The following PDE4D variants were observed in gnomAD, a reference collection of about 807,000 sequenced individuals.
PDE4D encodes the protein phosphodiesterase 4D, also known as 3',5'-cyclic-AMP phosphodiesterase 4D.
Under a neutral mutation model 87.4 loss-of-function variants are expected in PDE4D, and 24 were observed. The observed-to-expected ratio is 0.27, with a 90% CI of 0.20 to 0.39. The LOEUF (loss-of-function observed/expected upper bound fraction) is 0.39. PDE4D is among the 10% of genes least tolerant of loss of function. The pLI, the probability that PDE4D is intolerant of heterozygous loss-of-function variation, is 1.00. For synonymous variants in PDE4D, 384 were observed against 383.2 expected (o/e 1.00, Z -0.02); for missense variants, 714 against 1,041.0 (o/e 0.69, Z 4.32).
chr5:59,749,560 T>C (rs1760125162), intron 1 of PDE4D, among the ~76,000 whole-genome samples: 1 of 152,142 alleles, frequency 6.6e-6, no homozygotes, highest in Non-Finnish European at 1.5e-5. Flanking sequence ...CACTTATTTC[T>C]CCTGAAACAG....
intron 1 of PDE4D, among the ~76,000 whole-genome samples, chr5:59,853,908 T>C (rs1164444738): frequency 1.3e-5 from 2 of 152,154 alleles, no homozygotes; most frequent in East Asian, 3.9e-4. Flanking sequence ...TAGTATTCTA[T>C]CATATGGACA....
At chr5:59,915,098 C>A (rs1046054452) in intron 3 of PDE4D, among the ~76,000 whole-genome samples, 1 of 151,964 alleles carries the variant, frequency 6.6e-6, no homozygotes, top group Non-Finnish European at 1.5e-5. Context: ...AAGTGGAGTA[C>A]AAAAACATAG....
rs188458183 is a variant in PDE4D, at chr5:59,333,708, T to C, written c.456-117740A>G. On this transcript the variant is annotated intron_variant, in intron 1 of 14. Transcript: ENST00000340635. ...TCATTTTTTATGGAGAGATTTTGAT[T>C]CCATCCTAAAGAGTTCTAATTAAAG... Among the ~76,000 whole-genome samples, 173 of 152,312 alleles carry C rather than the reference T, an allele frequency of 1.1e-3. 1 individual carries two copies. Among genetic ancestry groups the C allele is most frequent in the Admixed American group, 1.9e-3 (29 of 15,306 alleles).
At chr5:59,469,617 G>A (rs150377677) in intron 1 of PDE4D, among the ~76,000 whole-genome samples, 11 of 152,182 alleles carry the variant, frequency 7.2e-5, no homozygotes, top group Non-Finnish European at 1.3e-4. Flanking sequence ...CATACCCAGC[G>A]AAGAAATCTG....
chr5:59,698,080 A>C (rs1752043611), intron 1 of PDE4D, among the ~76,000 whole-genome samples: 1 of 152,188 alleles, frequency 6.6e-6, no homozygotes, highest in East Asian at 1.9e-4. Flanking sequence ...TTACAAAAAT[A>C]TTACAAAAAC....
At chr5:59,083,575 A>C (rs1444320857) in intron 5 of PDE4D, among the ~76,000 whole-genome samples, 1 of 149,456 alleles carries the variant, frequency 6.7e-6, no homozygotes, top group Non-Finnish European at 1.5e-5. Context: ...CATTTTATCC[A>C]ATCTTTATAT....
At chr5:59,999,940 G>A (rs988915702) in intron 2 of PDE4D, among the ~76,000 whole-genome samples, 6 of 151,810 alleles carry the variant, frequency 4.0e-5, no homozygotes, top group Admixed American at 2.0e-4. Context: ...GAGTTGAAAA[G>A]TTCACTAGAG....
At chr5:59,768,672 A>G (rs1196544195) in intron 1 of PDE4D, 44 of 1,482,724 alleles carry the variant, frequency 3.0e-5, no homozygotes, top group African/African-American at 4.2e-5. Context: ...GGTGCAGAGG[A>G]GGCGAGCGCA....
chr5:59,348,235 C>G (rs1208196704), intron 1 of PDE4D, among the ~76,000 whole-genome samples: 1 of 152,048 alleles, frequency 6.6e-6, no homozygotes, highest in Non-Finnish European at 1.5e-5. Context: ...AAACTCATAA[C>G]TTCTGAATGA....
intron 1 of PDE4D, among the ~76,000 whole-genome samples, chr5:60,271,568 C>T (rs1419106533): frequency 1.3e-5 from 2 of 151,986 alleles, no homozygotes; most frequent in African/African-American, 2.4e-5. Context: ...AGGTGTAATC[C>T]CCACCAAAGA....
At chr5:59,787,094 A>G (rs987068683) in intron 1 of PDE4D, among the ~76,000 whole-genome samples, 1 of 152,212 alleles carries the variant, frequency 6.6e-6, no homozygotes, top group African/African-American at 2.4e-5. Context: ...CCTCCAGCCT[A>G]TAATCCATTT....
intron 1 of PDE4D, among the ~76,000 whole-genome samples, chr5:59,572,727 G>A (rs147212479): frequency 0.018 from 2,710 of 152,210 alleles, 80 homozygotes; most frequent in African/African-American, 0.061. Context: ...TGATCCACCC[G>A]CCTCGGCCTC....
In PDE4D at chr5:59,893,596, C is replaced by G; in HGVS notation, c.27G>C (p.Pro9=). Residue 9 remains proline, a synonymous_variant, in exon 1 of 15, where the codon CCG becomes CCC. Coordinates refer to ENST00000340635, the MANE Select transcript of PDE4D (RefSeq NM_001104631.2). ...TGCCCTCTCCGCTGCCCGCCCGGGC[C>G]GGCGCGCTGCTGCCCTCTGCCTCCA... MEAEGSSA[P]ARAGSGEGSD... 1 of 1,519,962 alleles carries G rather than the reference C, an allele frequency of 6.6e-7. No homozygotes were observed. Among genetic ancestry groups the G allele is most frequent in the Non-Finnish European group, 8.8e-7 (1 of 1,135,102 alleles). 94.2% of individuals were successfully genotyped at this position (1,519,962 alleles called of 1,614,324 possible). A position where few individuals can be genotyped will look rare whatever the true frequency, so the allele number is the denominator to read the frequency against.
chr5:59,821,651 G>C (rs1769692762), intron 1 of PDE4D, among the ~76,000 whole-genome samples: 1 of 152,130 alleles, frequency 6.6e-6, no homozygotes, highest in South Asian at 2.1e-4. Flanking sequence ...ATATTGTTGA[G>C]CACATGTGCA....
At chr5:59,484,092 T>C (rs1201067996) in intron 1 of PDE4D, among the ~76,000 whole-genome samples, 1 of 152,172 alleles carries the variant, frequency 6.6e-6, no homozygotes, top group Non-Finnish European at 1.5e-5. Flanking sequence ...TCCCAGCTCC[T>C]CTGGTTATGT....
intron 1 of PDE4D, among the ~76,000 whole-genome samples, chr5:60,480,437 A>G (rs968806194): frequency 1.3e-5 from 2 of 152,142 alleles, no homozygotes; most frequent in Non-Finnish European, 2.9e-5. Flanking sequence ...CAACCCAACC[A>G]GATAGGTACT....
intron 1 of PDE4D, among the ~76,000 whole-genome samples, chr5:59,249,086 G>T (rs1366157289): frequency 6.6e-6 from 1 of 151,932 alleles, no homozygotes; most frequent in Non-Finnish European, 1.5e-5. Flanking sequence ...AGCTGGAGAA[G>T]GTTCATCTAT....
chr5:59,068,592 T>C (rs1203627556), intron 5 of PDE4D, among the ~76,000 whole-genome samples: 3 of 152,098 alleles, frequency 2.0e-5, no homozygotes, highest in Non-Finnish European at 4.4e-5. Flanking sequence ...TATGCAAAAA[T>C]GTAACACCTC....
intron 2 of PDE4D, among the ~76,000 whole-genome samples, chr5:60,074,773 T>C (rs1773101244): frequency 6.6e-6 from 1 of 152,172 alleles, no homozygotes; most frequent in African/African-American, 2.4e-5. Flanking sequence ...TTCTTCATCT[T>C]TTTTGAGCTT....
Sources: allele counts gnomAD v4.1 joint callset (sites outside exome capture counted in the v4.1 genomes callset), GRCh38; gene constraint gnomAD v4.1.1; transcripts MANE v1.5; gene names NCBI Gene and HGNC (gene_info 2026-07-23, HGNC 2026-07-21).